Variants in RNF115 observed in about 807,000 individuals in gnomAD.
The protein encoded by RNF115 is E3 ubiquitin-protein ligase RNF115.
A neutral mutation model predicts 39.2 loss-of-function variants in RNF115; 31 were observed. That is an observed-to-expected ratio of 0.79 (90% CI 0.59 to 1.07). The LOEUF (loss-of-function observed/expected upper bound fraction) is 1.07, where lower values mean the gene tolerates loss of function less well. Among genes scored for constraint, RNF115 ranks in the 50% least tolerant of loss-of-function variants. The pLI is 0.00. For missense variants in RNF115, 384 were observed against 381.7 expected (o/e 1.01, Z -0.05); for synonymous variants, 124 against 131.0 (o/e 0.95, Z 0.37).
chr1:145,774,805 A>G (rs587596223), intron 3 of RNF115, among the ~76,000 whole-genome samples: 52 of 152,156 alleles, frequency 3.4e-4, no homozygotes, highest in African/African-American at 1.2e-3. Flanking sequence ...TTCCTATTGA[A>G]CTGACTTTCT....
In RNF115 at chr1:145,748,076, ATCT is replaced by A; in HGVS notation, c.699_701del (p.Glu233del). On this transcript the variant is annotated inframe_deletion, in exon 8 of 9. Coordinates refer to ENST00000582693, the MANE Select transcript of RNF115 (RefSeq NM_014455.4). ...GCCGGACTTCCTCTTCAACTGTGTA[ATCT>A]TCTTTGCATACTGGACACTCTAAAC... 1 of 1,613,658 alleles carries A rather than the reference ATCT, an allele frequency of 6.2e-7. No homozygotes were observed. Among genetic ancestry groups the A allele is most frequent in the Non-Finnish European group, 8.5e-7 (1 of 1,179,592 alleles).
chr1:145,771,518 C>T (rs144112463), intron 4 of RNF115, among the ~76,000 whole-genome samples, 193 bp downstream of exon 4: 1 of 152,190 alleles, frequency 6.6e-6, no homozygotes, highest in Admixed American at 6.5e-5. Context: ...TAATCAGAGA[C>T]ATAGCATTTC....
At chr1:145,784,660 A>C in intron 2 of RNF115, 64 bp from the exon 3 acceptor site, 1 of 1,401,912 alleles carries the variant, frequency 7.1e-7, no homozygotes, top group Non-Finnish European at 1.0e-6. Context: ...CCAGAAGCTA[A>C]ATATAGAATG....
chr1:145,792,777 A>G (rs924764159), intron 1 of RNF115, among the ~76,000 whole-genome samples: 13 of 152,200 alleles, frequency 8.5e-5, no homozygotes, highest in Non-Finnish European at 1.8e-4. Context: ...GGATATGCAG[A>G]CAGGCAGATA....
At chr1:145,794,378 C>T (rs587638988) in intron 1 of RNF115, among the ~76,000 whole-genome samples, 1 of 152,206 alleles carries the variant, frequency 6.6e-6, no homozygotes, top group South Asian at 2.1e-4. Context: ...CAGTGTGTTC[C>T]AGCCACACAC....
chr1:145,767,510 C>T (rs1647395405), intron 4 of RNF115, among the ~76,000 whole-genome samples: 1 of 151,758 alleles, frequency 6.6e-6, no homozygotes, highest in Admixed American at 6.6e-5. Flanking sequence ...GGCAGAGAGG[C>T]TCCTCACATC....
chr1:145,787,051 T>C, intron 2 of RNF115: 1 of 1,278,264 alleles, frequency 7.8e-7, no homozygotes, highest in Non-Finnish European at 1.0e-6. Flanking sequence ...GAAGGGACCT[T>C]CAACTTTAGA....
chr1:145,750,788 A>T (rs587609121), intron 6 of RNF115, among the ~76,000 whole-genome samples: 9 of 152,238 alleles, frequency 5.9e-5, no homozygotes, highest in Non-Finnish European at 2.9e-5. Flanking sequence ...TTGTGGTGTC[A>T]CGAGTAAAAC....
At chr1:145,778,420 ACT>A (rs1231706352) in intron 3 of RNF115, among the ~76,000 whole-genome samples, 1 of 152,122 alleles carries the variant, frequency 6.6e-6, no homozygotes, top group Non-Finnish European at 1.5e-5. Context: ...TAGTTGTATA[ACT>A]CTGTGAATAT....
At chr1:145,784,696 G>A in intron 2 of RNF115, 100 bp from the exon 3 acceptor site, 7 of 986,598 alleles carry the variant, frequency 7.1e-6, no homozygotes, top group South Asian at 2.8e-5. Context: ...AGCCCAATAA[G>A]GAAAAATAAC....
intron 4 of RNF115, among the ~76,000 whole-genome samples, chr1:145,756,901 A>T (rs1291647588): frequency 2.3e-5 from 3 of 132,406 alleles, no homozygotes; most frequent in African/African-American, 8.9e-5. Flanking sequence ...CAGTGGTGCG[A>T]TCTCAGCTCA....
chr1:145,778,453 C>T (rs1381542638), intron 3 of RNF115, among the ~76,000 whole-genome samples: 1 of 152,072 alleles, frequency 6.6e-6, no homozygotes, highest in Non-Finnish European at 1.5e-5. Flanking sequence ...CTTAGCTGTA[C>T]ACTTTAACAG....
rs1443279799 is a variant in RNF115, at chr1:145,824,030, G to C, written c.-157C>G. 4 of 523,840 alleles carry C rather than the reference G, an allele frequency of 7.6e-6. No individual in the cohort carries two copies. Among genetic ancestry groups the C allele is most frequent in the Non-Finnish European group, 1.3e-5 (4 of 311,706 alleles). 32.4% of individuals were successfully genotyped at this position (523,840 alleles called of 1,614,324 possible). On this transcript the variant is annotated 5_prime_UTR_variant, in exon 1 of 9. Transcript: ENST00000582693. ...ACGTGAGTTGGCCAGGCCCAGAAAC[G>C]CGGCGGCGCCAACAGCTACCCTGCG...
chr1:145,775,108 G>A (rs1647819953), intron 3 of RNF115, among the ~76,000 whole-genome samples: 1 of 152,150 alleles, frequency 6.6e-6, no homozygotes, highest in Admixed American at 6.5e-5. Flanking sequence ...TTAGCTAAGT[G>A]TGGTAGCAAG....
chr1:145,811,954 G>C (rs1467956660), intron 1 of RNF115, among the ~76,000 whole-genome samples: 11 of 100,868 alleles, frequency 1.1e-4, no homozygotes, highest in Non-Finnish European at 2.4e-4. Flanking sequence ...CATATATGTA[G>C]AAAAGCTGTA....
chr1:145,775,946 C>T (rs1431991853), intron 3 of RNF115, among the ~76,000 whole-genome samples: 1 of 151,680 alleles, frequency 6.6e-6, no homozygotes, highest in African/African-American at 2.4e-5. Context: ...TGCAGTGAGC[C>T]GAGATCACTC....
rs1657625351 is a variant in RNF115 at position 145,739,442 on chromosome 1, A to G, written c.*7424T>C. 6.6e-6 allele frequency: 1 copy of G among 152,228 alleles called. No individual in the cohort carries two copies. Among genetic ancestry groups the G allele is most frequent in the Non-Finnish European group, 1.5e-5 (1 of 68,044 alleles). The allele number at this position is 152,228 out of a possible 1,614,324, so 9.4% of individuals were successfully genotyped here. ...GAAGTAGATGAGTAAGACTCTTATT[A>G]GTGATAGTCTTGAACCTCAAACTAA... On this transcript the variant is annotated 3_prime_UTR_variant, in exon 9 of 9. Transcript: ENST00000582693.
chr1:145,793,564 G>T (rs1648781030), intron 1 of RNF115, among the ~76,000 whole-genome samples: 1 of 151,652 alleles, frequency 6.6e-6, no homozygotes, highest in Non-Finnish European at 1.5e-5. Context: ...TCTATCCCAG[G>T]CCAGTCTTCT....
At chr1:145,790,488 A>G (rs587738778) in intron 1 of RNF115, among the ~76,000 whole-genome samples, 28 of 151,394 alleles carry the variant, frequency 1.8e-4, no homozygotes, top group African/African-American at 6.8e-4. Context: ...GCTGGAGTGC[A>G]ATGGCACGGT....
Sources: gnomAD v4.1 joint callset for allele counts (sites outside exome capture counted in the v4.1 genomes callset) on GRCh38, gnomAD v4.1.1 for gene constraint, MANE v1.5 for transcripts, NCBI Gene and HGNC (gene_info 2026-07-23, HGNC 2026-07-21) for gene names.